Variants in MYO9A observed in about 807,000 individuals in gnomAD.
MYO9A encodes the protein myosin IXA, also known as unconventional myosin-IXa.
In MYO9A, 103 loss-of-function variants were observed where a neutral mutation model predicts 293.3. That is an observed-to-expected ratio of 0.35 (90% CI 0.30 to 0.41). The LOEUF is 0.41. Ranked by LOEUF, MYO9A falls within the 10% of genes least tolerant of loss-of-function variation. MYO9A has a pLI of 1.00. For missense variants in MYO9A, 2,685 were observed against 3,033.0 expected (o/e 0.89, Z 2.69); for synonymous variants, 1,001 against 1,035.7 (o/e 0.97, Z 0.64).
intron 2 of MYO9A, among the ~76,000 whole-genome samples, chr15:72,034,253 G>A (rs771458612): frequency 6.6e-6 from 1 of 152,196 alleles, no homozygotes; most frequent in Non-Finnish European, 1.5e-5. Context: ...GAGAAACTCT[G>A]AGGATAAGGT....
rs79114329 is a variant in MYO9A, at chr15:72,050,647, ATT to A, written c.-71-4015_-71-4014del. ...ATAAATAAACAAACAAACAAACAAA[ATT>A]TTTTTTTAAATGTACATTACCAGGC... is the stretch of plus-strand genomic sequence containing the variant. On this transcript the variant is annotated intron_variant, in intron 1 of 41. Coordinates refer to ENST00000356056, the MANE Select transcript of MYO9A (RefSeq NM_006901.4). 4.2e-3 allele frequency among the ~76,000 whole-genome samples: 634 copies of A among 151,800 alleles called. 6 individuals are homozygous for A. The highest frequency in any genetic ancestry group is 0.015 in the African/African-American group (605 of 41,392).
intron 18 of MYO9A, among the ~76,000 whole-genome samples, chr15:71,924,296 C>T (rs1271735158): frequency 6.6e-6 from 1 of 151,920 alleles, no homozygotes; most frequent in African/African-American, 2.4e-5. Context: ...GGTTGGAGCC[C>T]AGTGGCGTGA....
chr15:72,033,720 G>C (rs972643241), intron 2 of MYO9A, among the ~76,000 whole-genome samples: 1 of 152,158 alleles, frequency 6.6e-6, no homozygotes, highest in Non-Finnish European at 1.5e-5. Context: ...TGGTCACATG[G>C]ATATATACAT....
intron 1 of MYO9A, among the ~76,000 whole-genome samples, chr15:72,073,775 A>G (rs2079263772): frequency 6.6e-6 from 1 of 152,206 alleles, no homozygotes; most frequent in Admixed American, 6.5e-5. Context: ...AAGGCCACCA[A>G]TGATAAGTAT....
intron 13 of MYO9A, among the ~76,000 whole-genome samples, chr15:71,961,446 T>C (rs2075737362): frequency 6.6e-6 from 1 of 152,170 alleles, no homozygotes; most frequent in Non-Finnish European, 1.5e-5. Context: ...TAATAGTAGG[T>C]AACACTTGAG....
At position 71,963,367 on chromosome 15, in the gene MYO9A, G is replaced by A. The variant is rs147344997; in HGVS notation, c.1987-3271C>T. 7.5e-3 allele frequency among the ~76,000 whole-genome samples: 1,146 copies of A among 152,166 alleles called. 8 individuals carry two copies. Among genetic ancestry groups the A allele is most frequent in the Non-Finnish European group, 0.013 (859 of 67,984 alleles). On this transcript the variant is annotated intron_variant, in intron 13 of 41. Transcript: ENST00000356056. ...CCCAAAGTGCTGGGATTACAGGAGT[G>A]AGCCACCACACCTGGCTGTGCACTC...
At chr15:71,964,741 C>T (rs775354174) in intron 13 of MYO9A, among the ~76,000 whole-genome samples, 12 of 151,772 alleles carry the variant, frequency 7.9e-5, no homozygotes, top group Non-Finnish European at 1.3e-4. Flanking sequence ...GAGCCGAGAT[C>T]GCGCCACTGC....
chr15:71,830,315 C>T lies in MYO9A; in HGVS notation c.6838-4G>A, dbSNP rs767143916. On this transcript the variant is annotated splice_polypyrimidine_tract_variant and splice_region_variant and intron_variant, in intron 39 of 41. Transcript: ENST00000356056. Reference sequence around the variant, plus strand: ...CTCGACGAATACGCCCCTTTCCCTGCAGAGAAAAATTCATGTTAGAAAGTA... The same window carrying T: ...CTCGACGAATACGCCCCTTTCCCTGTAGAGAAAAATTCATGTTAGAAAGTA... 8.1e-6 allele frequency: 13 copies of T among 1,612,698 alleles called. No homozygotes were observed. Among genetic ancestry groups the T allele is most frequent in the Non-Finnish European group, 1.1e-5 (13 of 1,179,784 alleles).
chr15:71,882,130 A>G (rs1405493102), intron 28 of MYO9A, among the ~76,000 whole-genome samples: 2 of 152,110 alleles, frequency 1.3e-5, no homozygotes, highest in African/African-American at 2.4e-5. Context: ...ATTTTATCCT[A>G]GATATGAGAA....
rs2054407488 is a variant in MYO9A at position 71,824,910 on chromosome 15, G to GTAAC, written c.*1666_*1669dup. 1 of 152,166 alleles carries GTAAC rather than the reference G, an allele frequency of 6.6e-6. No homozygotes were observed. Among genetic ancestry groups the GTAAC allele is most frequent in the Non-Finnish European group, 1.5e-5 (1 of 68,032 alleles). 9.4% of individuals were successfully genotyped at this position (152,166 alleles called of 1,614,324 possible). On this transcript the variant is annotated 3_prime_UTR_variant, in exon 42 of 42. Transcript: ENST00000356056. ...GCAGTGGCGTGAGGTTCAGTGTTGT[G>GTAAC]TAACAGGAGAGAGAGACTCTGCCTT...
intron 40 of MYO9A, among the ~76,000 whole-genome samples, 179 bp from the exon 41 acceptor site, chr15:71,828,205 TGGACTAAA>T (rs2054587080): frequency 6.6e-6 from 1 of 152,116 alleles, no homozygotes; most frequent in Non-Finnish European, 1.5e-5. Context: ...TAAAACTATA[TGGACTAAA>T]GGACAAAATG....
At chr15:72,089,140 C>A (rs180804170) in intron 1 of MYO9A, among the ~76,000 whole-genome samples, 37 of 152,200 alleles carry the variant, frequency 2.4e-4, no homozygotes, top group Admixed American at 5.2e-4. Flanking sequence ...AGAGTCAAAA[C>A]AATGTAGAAA....
intron 14 of MYO9A, among the ~76,000 whole-genome samples, chr15:71,956,568 C>T (rs2059199352): frequency 6.7e-6 from 1 of 149,878 alleles, no homozygotes; most frequent in African/African-American, 2.4e-5. Flanking sequence ...ATCGCTTGAA[C>T]CTGGGAGGTG....
chr15:71,906,259 T>C (rs1426757696), intron 19 of MYO9A, among the ~76,000 whole-genome samples: 3 of 152,234 alleles, frequency 2.0e-5, no homozygotes, highest in Non-Finnish European at 4.4e-5. Context: ...AAGTATTTCA[T>C]GGGCACTTAA....
chr15:72,095,292 T>C (rs1444743931), intron 1 of MYO9A, among the ~76,000 whole-genome samples: 1 of 92,974 alleles, frequency 1.1e-5, no homozygotes, highest in African/African-American at 2.6e-5. Context: ...ACTACTGATA[T>C]GGAGAAAGTT....
chr15:72,000,049 C>A, intron 8 of MYO9A, 109 bp from the exon 9 acceptor site: 2 of 769,098 alleles, frequency 2.6e-6, no homozygotes, highest in Non-Finnish European at 2.0e-6. Flanking sequence ...TTAGCAATTA[C>A]ATAGCAGAGA....
At position 72,010,529 on chromosome 15, in the gene MYO9A, G is replaced by A. The variant is rs572855058; in HGVS notation, c.1156-82C>T. The A allele has an allele frequency of 4.0e-6, 5 of 1,239,386 alleles. No individual in the cohort carries two copies. The East Asian group carries it at 1.0e-4, about 25-fold the overall frequency. The allele number at this position is 1,239,386 out of a possible 1,614,324, so 76.8% of individuals were successfully genotyped here. ...GGCCATTCAGAAATATGGTAATTTA[G>A]GATAGGTACCTGTATGTATAAATGC... On this transcript the variant is annotated intron_variant, in intron 6 of 41. Coordinates refer to ENST00000356056, the MANE Select transcript of MYO9A (RefSeq NM_006901.4).
rs2054517831 is a variant in MYO9A, at chr15:71,826,718, CTTTAA to C, written c.7504_7508del (p.Leu2502GlufsTer41). On this transcript the variant is annotated frameshift_variant, in exon 42 of 42. Coordinates refer to ENST00000356056, the MANE Select transcript of MYO9A (RefSeq NM_006901.4). LOFTEE classifies it high-confidence loss of function. Reference sequence around the variant, plus strand: ...TTTTCTGAGGTGAGTTTTTCACATTCTTTAATTTTTGTTTGCCCTTTTCCGGGTTG... The same window carrying C: ...TTTTCTGAGGTGAGTTTTTCACATTCTTTTTGTTTGCCCTTTTCCGGGTTG... 6.2e-7 allele frequency: 1 copy of C among 1,613,956 alleles called. No homozygotes were observed. The highest frequency in any genetic ancestry group is 1.3e-5 in the African/African-American group (1 of 74,894).
intron 1 of MYO9A, among the ~76,000 whole-genome samples, chr15:72,050,334 T>C (rs2957374): frequency 0.99 from 150,179 of 152,106 alleles, 74,178 homozygotes; most frequent in Middle Eastern, 1. Context: ...ACCAGCCGGG[T>C]GCGGTGGCTC....
Sources: allele counts gnomAD v4.1 joint callset (sites outside exome capture counted in the v4.1 genomes callset), GRCh38; gene constraint gnomAD v4.1.1; transcripts MANE v1.5; gene names NCBI Gene and HGNC (gene_info 2026-07-23, HGNC 2026-07-21).